Variants in PRIM2 observed in about 807,000 individuals in gnomAD.
The protein encoded by PRIM2 is DNA primase subunit 2.
PRIM2 carries 39 observed loss-of-function variants against 67.3 expected under a neutral mutation model. That is an observed-to-expected ratio of 0.58 (90% CI 0.45 to 0.76). The LOEUF (loss-of-function observed/expected upper bound fraction) is 0.76, where lower values mean the gene tolerates loss of function less well. Among genes scored for constraint, PRIM2 ranks in the 30% least tolerant of loss-of-function variants. The probability of loss-of-function intolerance (pLI) is 0.00; values close to 1 mark genes in which losing one functional copy is unlikely to be tolerated. For synonymous variants in PRIM2, 143 were observed against 198.7 expected (o/e 0.72, Z 2.36); for missense variants, 398 against 598.7 (o/e 0.66, Z 3.50).
At chr6:57,283,525 A>C in the PRIM2 span, among the ~76,000 whole-genome samples, 1 of 152,200 alleles carries the variant, frequency 6.6e-6, no homozygotes, top group Admixed American at 6.6e-5. Flanking sequence ...CTGAAGATTA[A>C]TATAGCGTTA....
At chr6:57,335,609 C>G (rs1048139121) in intron 5 of PRIM2, among the ~76,000 whole-genome samples, 12 of 152,172 alleles carry the variant, frequency 7.9e-5, no homozygotes, top group African/African-American at 2.9e-4. Context: ...CAGACTGACA[C>G]CTCACATGGC....
intron 5 of PRIM2, among the ~76,000 whole-genome samples, chr6:57,349,008 G>A (rs921025036): frequency 3.9e-5 from 6 of 152,080 alleles, no homozygotes; most frequent in East Asian, 1.9e-4. Flanking sequence ...GCCTTCCAAA[G>A]TGCTGGGATT....
chr6:57,523,076 G>A (rs1554349059), intron 8 of PRIM2, among the ~76,000 whole-genome samples: 5 of 152,076 alleles, frequency 3.3e-5, no homozygotes, highest in Non-Finnish European at 5.9e-5. Flanking sequence ...AGAAATTGGC[G>A]AACGTTAAGA....
At chr6:57,634,637 C>T (rs1386364006) in intron 13 of PRIM2, among the ~76,000 whole-genome samples, 2 of 152,272 alleles carry the variant, frequency 1.3e-5, no homozygotes, top group South Asian at 2.1e-4. Context: ...ATTATCCAAC[C>T]TCTTTTTATA....
chr6:57,318,643 CACTT>C (rs1185313168), intron 2 of PRIM2, 44 bp downstream of exon 2: 6 of 1,438,836 alleles, frequency 4.2e-6, no homozygotes, highest in African/African-American at 2.8e-5. Context: ...TTGAGAAGCT[CACTT>C]ACCCTTTGTG....
intron 7 of PRIM2, among the ~76,000 whole-genome samples, chr6:57,409,250 A>G (rs548040660): frequency 6.6e-6 from 1 of 151,256 alleles, no homozygotes; most frequent in Non-Finnish European, 1.5e-5. Flanking sequence ...ATCTTGGCTC[A>G]CTGCAAGCTC....
intron 10 of PRIM2, among the ~76,000 whole-genome samples, chr6:57,585,183 TA>T (rs1173775177): frequency 2.0e-5 from 3 of 152,148 alleles, no homozygotes; most frequent in Admixed American, 6.5e-5. Context: ...AGGCAAAATA[TA>T]AGTAATTTAA....
intron 5 of PRIM2, among the ~76,000 whole-genome samples, chr6:57,332,434 GC>G (rs1768082815): frequency 6.6e-6 from 1 of 152,052 alleles, no homozygotes. Flanking sequence ...TTCATCTTCT[GC>G]CTATTTGTTC....
At chr6:57,227,641 C>CAAAAAAAAAAAAAAAAAAAAAAAA in the PRIM2 span, among the ~76,000 whole-genome samples, 1 of 84,080 alleles carries the variant, frequency 1.2e-5, no homozygotes. Flanking sequence ...GAGACCATCT[C>CAAAAAAAAAAAAAAAAAAAAAAAA]AAAAAAAAAA....
At chr6:57,437,563 A>G (rs1772051541) in intron 7 of PRIM2, among the ~76,000 whole-genome samples, 1 of 152,122 alleles carries the variant, frequency 6.6e-6, no homozygotes, top group African/African-American at 2.4e-5. Context: ...AGGAGGGAGT[A>G]AGACCTAGAT....
the PRIM2 span, among the ~76,000 whole-genome samples, chr6:57,298,696 T>C: frequency 0.75 from 114,259 of 152,034 alleles, 43,331 homozygotes; most frequent in African/African-American, 0.83. Flanking sequence ...ATAAAAATTA[T>C]TATCTTACTA....
At chr6:57,480,393 T>A (rs1185720025) in intron 7 of PRIM2, among the ~76,000 whole-genome samples, 1 of 144,944 alleles carries the variant, frequency 6.9e-6, no homozygotes, top group Non-Finnish European at 1.5e-5. Flanking sequence ...ACATCTTGCA[T>A]AACTTTAGGT....
At position 57,539,584 on chromosome 6, in the gene PRIM2, G is replaced by A. The variant is rs1305518618; in HGVS notation, c.1020+1959G>A. ...ATATTCTTTGTGTGTGTGTGTGTGT[G>A]TGTCAATTATAGTTTTGATTATATT... On this transcript the variant is annotated intron_variant, in intron 10 of 13. Coordinates refer to ENST00000615550, the MANE Select transcript of PRIM2 (RefSeq NM_000947.5). Among the ~76,000 whole-genome samples, 5 of 151,462 alleles carry A rather than the reference G, an allele frequency of 3.3e-5. No homozygotes were observed. In the East Asian group the frequency reaches 9.7e-4, roughly 29 times the overall value.
In PRIM2 at chr6:57,427,986, A is replaced by G. The variant is rs575355872; in HGVS notation, c.693+45818A>G. On this transcript the variant is annotated intron_variant, in intron 7 of 13. Coordinates refer to ENST00000615550, the MANE Select transcript of PRIM2 (RefSeq NM_000947.5). Reference sequence around the variant, plus strand: ...ATTTGCATGGAAAACTCACATGGTGATTGTTTCCTAAGGGGACTCTAGGAA... The same window carrying G: ...ATTTGCATGGAAAACTCACATGGTGGTTGTTTCCTAAGGGGACTCTAGGAA... Among the ~76,000 whole-genome samples, 51 of 152,232 alleles carry G rather than the reference A, an allele frequency of 3.4e-4. No homozygotes were observed. The South Asian group carries it at 0.011, about 32-fold the overall frequency.
At chr6:57,392,923 G>T (rs76389894) in intron 7 of PRIM2, among the ~76,000 whole-genome samples, 1 of 149,002 alleles carries the variant, frequency 6.7e-6, no homozygotes, top group East Asian at 1.9e-4. Context: ...GTTACTTCAC[G>T]TAGAATAGTA....
chr6:57,299,691 G>A, the PRIM2 span, among the ~76,000 whole-genome samples: 1 of 152,230 alleles, frequency 6.6e-6, no homozygotes, highest in African/African-American at 2.4e-5. Context: ...ATAGGAGACA[G>A]ATGAGCCAGC....
intron 13 of PRIM2, among the ~76,000 whole-genome samples, chr6:57,636,166 A>G (rs1245060741): frequency 6.6e-6 from 1 of 152,182 alleles, no homozygotes; most frequent in Admixed American, 6.5e-5. Context: ...CACAAAGAAA[A>G]ACACTAATAG....
chr6:57,397,850 A>G, intron 7 of PRIM2, among the ~76,000 whole-genome samples: 1 of 147,928 alleles, frequency 6.8e-6, no homozygotes, highest in Non-Finnish European at 1.5e-5. Flanking sequence ...AGGCTTCTCT[A>G]ATTCTTTCAG....
chr6:57,495,900 C>T (rs1328447209), intron 7 of PRIM2, among the ~76,000 whole-genome samples: 4 of 152,094 alleles, frequency 2.6e-5, no homozygotes, highest in Non-Finnish European at 4.4e-5. Context: ...CGTGCCACCA[C>T]ACTCAGCTGA....
Sources: gnomAD v4.1 joint callset for allele counts (sites outside exome capture counted in the v4.1 genomes callset) on GRCh38, gnomAD v4.1.1 for gene constraint, MANE v1.5 for transcripts, NCBI Gene and HGNC (gene_info 2026-07-23, HGNC 2026-07-21) for gene names.